GRID2: variants seen among roughly 807,000 people sequenced by gnomAD.
GRID2 encodes glutamate ionotropic receptor delta type subunit 2.
GRID2 carries 33 observed loss-of-function variants against 114.8 expected under a neutral mutation model. That is an observed-to-expected ratio of 0.29 (90% CI 0.22 to 0.38). GRID2 has a LOEUF of 0.38. GRID2 is among the 10% of genes least tolerant of loss of function. The pLI, the probability that GRID2 is intolerant of heterozygous loss-of-function variation, is 1.00. For missense variants in GRID2, 1,184 were observed against 1,257.7 expected (o/e 0.94, Z 0.89); for synonymous variants, 505 against 449.9 (o/e 1.12, Z -1.55).
intron 2 of GRID2, among the ~76,000 whole-genome samples, chr4:92,810,386 C>G (rs188127094): frequency 2.3e-3 from 348 of 152,050 alleles, no homozygotes; most frequent in South Asian, 5.0e-3. Context: ...GTGTGTGCTA[C>G]TCATGTGACA....
At chr4:92,404,867 C>T (rs1408521181) in intron 1 of GRID2, among the ~76,000 whole-genome samples, 1 of 152,074 alleles carries the variant, frequency 6.6e-6, no homozygotes, top group Non-Finnish European at 1.5e-5. Flanking sequence ...ACAACACACA[C>T]TGGGGCCTGT....
chr4:93,015,288 G>A (rs535869074), intron 2 of GRID2, among the ~76,000 whole-genome samples: 2 of 152,192 alleles, frequency 1.3e-5, no homozygotes, highest in East Asian at 3.9e-4. Flanking sequence ...GGAAATGAGA[G>A]AGACAATCTT....
chr4:92,802,725 C>G (rs189642037), intron 2 of GRID2, among the ~76,000 whole-genome samples: 269 of 151,962 alleles, frequency 1.8e-3, no homozygotes, highest in Middle Eastern at 0.014. Context: ...TTTTATTCTT[C>G]TGAGCATGTC....
At chr4:93,743,938 C>A (rs577421993) in intron 14 of GRID2, among the ~76,000 whole-genome samples, 2 of 152,196 alleles carry the variant, frequency 1.3e-5, no homozygotes, top group Non-Finnish European at 2.9e-5. Flanking sequence ...AGGCTGAATA[C>A]ATTTGGTGAC....
intron 1 of GRID2, among the ~76,000 whole-genome samples, chr4:92,331,228 G>A (rs568338819): frequency 6.6e-6 from 1 of 152,204 alleles, no homozygotes; most frequent in Non-Finnish European, 1.5e-5. Flanking sequence ...ATTAAAGTTA[G>A]CACAAACTCT....
chr4:92,745,848 G>A (rs1737125566), intron 2 of GRID2, among the ~76,000 whole-genome samples: 1 of 151,946 alleles, frequency 6.6e-6, no homozygotes, highest in Non-Finnish European at 1.5e-5. Flanking sequence ...AAAAAGAAAA[G>A]CAAAAATAAG....
intron 2 of GRID2, among the ~76,000 whole-genome samples, chr4:92,974,175 A>T (rs1753705172): frequency 6.6e-6 from 1 of 152,182 alleles, no homozygotes; most frequent in Non-Finnish European, 1.5e-5. Flanking sequence ...ATCATTAAGA[A>T]GTCAGGAAAC....
At chr4:92,939,746 G>A (rs1016635448) in intron 2 of GRID2, among the ~76,000 whole-genome samples, 20 of 147,258 alleles carry the variant, frequency 1.4e-4, no homozygotes, top group African/African-American at 4.6e-4. Flanking sequence ...TTTGGTATAA[G>A]GTGTAAGGAA....
In GRID2 at chr4:93,304,257, A is replaced by T. The variant is rs1018732037; in HGVS notation, c.1245+65767A>T. Among the ~76,000 whole-genome samples the T allele has an allele frequency of 2.9e-4, 41 of 142,984 alleles. 3 individuals are homozygous for T. Among genetic ancestry groups the T allele is most frequent in the Admixed American group, 2.6e-3 (36 of 14,022 alleles). The allele number at this position is 142,984 out of a possible 152,430, so 93.8% of individuals were successfully genotyped here. A position where few individuals can be genotyped will look rare whatever the true frequency, so the allele number is the denominator to read the frequency against. ...ACAATACTTTGGAAATAATATTTTA[A>T]ATATATATATATATATATATATAAG... is the stretch of plus-strand genomic sequence containing the variant. On this transcript the variant is annotated intron_variant, in intron 8 of 15. Coordinates refer to ENST00000282020, the MANE Select transcript of GRID2 (RefSeq NM_001510.4).
At chr4:93,075,996 T>C (rs981844889) in intron 2 of GRID2, among the ~76,000 whole-genome samples, 2 of 144,856 alleles carry the variant, frequency 1.4e-5, no homozygotes, top group Admixed American at 7.0e-5. Flanking sequence ...CTCCGCCTCC[T>C]GGGTTCACGC....
chr4:92,575,359 T>C (rs1727833775), intron 1 of GRID2, among the ~76,000 whole-genome samples: 1 of 152,186 alleles, frequency 6.6e-6, no homozygotes, highest in Admixed American at 6.5e-5. Context: ...CCCTTGCTGG[T>C]GAGATGGTTC....
At chr4:92,310,157 C>T (rs1192386532) in intron 1 of GRID2, among the ~76,000 whole-genome samples, 1 of 151,992 alleles carries the variant, frequency 6.6e-6, no homozygotes, top group Non-Finnish European at 1.5e-5. Context: ...ACTATCACTA[C>T]AAGTACCACA....
intron 9 of GRID2, among the ~76,000 whole-genome samples, chr4:93,418,182 G>A (rs1489041406): frequency 6.6e-6 from 1 of 151,718 alleles, no homozygotes; most frequent in Non-Finnish European, 1.5e-5. Context: ...AGAAATAGGA[G>A]CACTTCTATT....
chr4:93,354,733 A>C (rs1761152011), intron 8 of GRID2, among the ~76,000 whole-genome samples: 1 of 139,864 alleles, frequency 7.1e-6, no homozygotes, highest in African/African-American at 2.7e-5. Flanking sequence ...ATGTATATGT[A>C]ATATTTATGT....
chr4:92,704,558 T>C (rs1183064164), intron 2 of GRID2, among the ~76,000 whole-genome samples: 1 of 152,232 alleles, frequency 6.6e-6, no homozygotes, highest in Non-Finnish European at 1.5e-5. Flanking sequence ...AGGAAACATT[T>C]TTTAAATATT....
chr4:92,857,509 T>G (rs1744257258), intron 2 of GRID2, among the ~76,000 whole-genome samples: 1 of 152,216 alleles, frequency 6.6e-6, no homozygotes, highest in Non-Finnish European at 1.5e-5. Context: ...ACAGCATTTC[T>G]TTAAGTCAAA....
At chr4:93,084,469 T>A (rs1288917356) in intron 2 of GRID2, among the ~76,000 whole-genome samples, 2 of 152,320 alleles carry the variant, frequency 1.3e-5, no homozygotes, top group East Asian at 3.9e-4. Flanking sequence ...TCATCAAGTT[T>A]TTAGATATCA....
intron 14 of GRID2, among the ~76,000 whole-genome samples, chr4:93,708,934 G>A (rs1728242421): frequency 6.6e-6 from 1 of 151,966 alleles, no homozygotes; most frequent in Non-Finnish European, 1.5e-5. Flanking sequence ...TTAAACTGAT[G>A]ATAACACTGA....
At chr4:93,331,988 T>C (rs1378692747) in intron 8 of GRID2, among the ~76,000 whole-genome samples, 1 of 152,114 alleles carries the variant, frequency 6.6e-6, no homozygotes, top group Non-Finnish European at 1.5e-5. Context: ...CAGAGCTCGA[T>C]ACTTACAAGA....
Sources: allele counts gnomAD v4.1 joint callset (sites outside exome capture counted in the v4.1 genomes callset), GRCh38; gene constraint gnomAD v4.1.1; transcripts MANE v1.5; gene names NCBI Gene and HGNC (gene_info 2026-07-23, HGNC 2026-07-21).